The following SFXN5 variants were observed in gnomAD, a reference collection of about 807,000 sequenced individuals.
SFXN5 encodes sideroflexin-5.
A neutral mutation model predicts 50.2 loss-of-function variants in SFXN5; 43 were observed. The ratio of observed to expected loss-of-function variants is 0.86; its 90% CI spans 0.67 to 1.11. The LOEUF is 1.11. SFXN5 is among the 50% of genes least tolerant of loss of function. SFXN5 has a pLI of 0.00. For synonymous variants in SFXN5, 203 were observed against 185.8 expected (o/e 1.09, Z -0.75); for missense variants, 463 against 454.1 (o/e 1.02, Z -0.18).
chr2:73,071,539 G>T, intron 1 of SFXN5, 65 bp downstream of exon 1: 1 of 1,479,694 alleles, frequency 6.8e-7, no homozygotes, highest in Non-Finnish European at 9.3e-7. Flanking sequence ...AGGGGACTTT[G>T]GAGGGGAGTT....
At chr2:73,046,037 C>G (rs867507971) in intron 2 of SFXN5, among the ~76,000 whole-genome samples, 7 of 137,314 alleles carry the variant, frequency 5.1e-5, no homozygotes, top group Admixed American at 6.9e-5. Context: ...AGAAACCGAT[C>G]CACTTATCCC....
At chr2:72,998,918 G>T in intron 9 of SFXN5, 31 bp downstream of exon 9, 1 of 1,611,854 alleles carries the variant, frequency 6.2e-7, no homozygotes, top group Non-Finnish European at 8.5e-7. Flanking sequence ...GAGCAGCAGA[G>T]CCAAGAAGGA....
rs1673717324 is a variant in SFXN5, at chr2:72,961,336, T to C, written c.828-88A>G. ...ACCATGCTGGGTCCCACTCTGTCTC[T>C]GGGCCCAGGAAGCGTGGTTCCGGGG... On this transcript the variant is annotated intron_variant, in intron 12 of 13. Transcript: ENST00000272433. The surrounding 1 kb of genome is among the most constrained non-coding windows in gnomAD (Gnocchi z 4.4). 4.6e-6 allele frequency: 4 copies of C among 865,630 alleles called. No individual in the cohort carries two copies. The highest frequency in any genetic ancestry group is 3.1e-5 in the Admixed American group (1 of 32,308). The allele number at this position is 865,630 out of a possible 1,614,324, so 53.6% of individuals were successfully genotyped here.
chr2:73,024,229 G>T (rs1467121808), intron 3 of SFXN5, among the ~76,000 whole-genome samples: 1 of 151,954 alleles, frequency 6.6e-6, no homozygotes, highest in Non-Finnish European at 1.5e-5. Context: ...TCACCATGTT[G>T]GTAAGGCTGG....
At chr2:72,954,133 G>A (rs982041786) in intron 13 of SFXN5, among the ~76,000 whole-genome samples, 18 of 152,156 alleles carry the variant, frequency 1.2e-4, no homozygotes, top group Non-Finnish European at 1.8e-4. Context: ...GCTCATAACG[G>A]GCTGAGGACA....
intron 9 of SFXN5, chr2:72,998,449 C>T (rs992451569): frequency 2.9e-4 from 46 of 158,692 alleles, no homozygotes; most frequent in Admixed American, 2.4e-3. Context: ...GTGAGCCTAA[C>T]GCCCCTGGCT....
chr2:73,041,238 C>A (rs752738595), intron 2 of SFXN5, among the ~76,000 whole-genome samples: 1 of 152,172 alleles, frequency 6.6e-6, no homozygotes, highest in Non-Finnish European at 1.5e-5. Flanking sequence ...ACACACATAT[C>A]AAATAATATT....
chr2:73,027,751 T>C (rs1461992393), intron 3 of SFXN5, among the ~76,000 whole-genome samples: 1 of 152,002 alleles, frequency 6.6e-6, no homozygotes, highest in Admixed American at 6.6e-5. Context: ...CCTCCACCTC[T>C]CCGGCTCAAG....
chr2:73,047,487 CT>C (rs1680659683), intron 2 of SFXN5, among the ~76,000 whole-genome samples: 1 of 150,404 alleles, frequency 6.6e-6, no homozygotes, highest in Non-Finnish European at 1.5e-5. Flanking sequence ...AAATCTCACC[CT>C]AAATTATAAT....
intron 10 of SFXN5, among the ~76,000 whole-genome samples, chr2:72,979,496 T>C (rs1276821855): frequency 1.3e-5 from 2 of 152,120 alleles, no homozygotes; most frequent in Non-Finnish European, 2.9e-5. Context: ...TAGCCAGGCA[T>C]GGTGGCATGC....
chr2:72,958,137 T>TC (rs888735205), intron 13 of SFXN5, among the ~76,000 whole-genome samples: 2 of 152,040 alleles, frequency 1.3e-5, no homozygotes, highest in Admixed American at 6.5e-5. Context: ...GGTAGGCATC[T>TC]CCCCATTATA....
intron 6 of SFXN5, among the ~76,000 whole-genome samples, chr2:73,014,979 G>A (rs1401009017): frequency 6.6e-6 from 1 of 151,968 alleles, no homozygotes; most frequent in Non-Finnish European, 1.5e-5. Flanking sequence ...TAGTCTTCCA[G>A]GAAAATGTTA....
intron 10 of SFXN5, among the ~76,000 whole-genome samples, chr2:72,981,963 CTT>C (rs896687297): frequency 1.1e-5 from 1 of 92,390 alleles, no homozygotes; most frequent in Non-Finnish European, 2.1e-5. Flanking sequence ...ATCACTGGAA[CTT>C]TGTGTGTGTG....
chr2:72,955,415 C>T (rs750896549), intron 13 of SFXN5, among the ~76,000 whole-genome samples: 6 of 152,176 alleles, frequency 3.9e-5, no homozygotes, highest in Non-Finnish European at 8.8e-5. Context: ...GTATGTGCAG[C>T]CCCGTTCCCC....
intron 10 of SFXN5, among the ~76,000 whole-genome samples, chr2:72,974,044 T>C (rs998046063): frequency 6.6e-6 from 1 of 152,218 alleles, no homozygotes; most frequent in Non-Finnish European, 1.5e-5. Flanking sequence ...TCTGGGGACT[T>C]GAGCCATTGC....
At chr2:72,970,634 A>AC (rs1363430939) in intron 11 of SFXN5, among the ~76,000 whole-genome samples, 1 of 151,256 alleles carries the variant, frequency 6.6e-6, no homozygotes, top group African/African-American at 2.4e-5. Flanking sequence ...GCCACTAACC[A>AC]CCATCAGGAC....
intron 13 of SFXN5, among the ~76,000 whole-genome samples, chr2:72,949,423 G>A (rs550087823): frequency 6.6e-6 from 1 of 152,166 alleles, no homozygotes; most frequent in Non-Finnish European, 1.5e-5. Context: ...TCTTGCCTCA[G>A]CCTCCTGAGT....
At chr2:73,037,061 T>A (rs139123604) in intron 3 of SFXN5, among the ~76,000 whole-genome samples, 1 of 152,220 alleles carries the variant, frequency 6.6e-6, no homozygotes. Flanking sequence ...TTGCCCTCTA[T>A]TCCCATCACC....
At chr2:73,066,434 C>T (rs1232778299) in intron 1 of SFXN5, among the ~76,000 whole-genome samples, 5 of 151,672 alleles carry the variant, frequency 3.3e-5, no homozygotes, top group East Asian at 1.9e-4. Flanking sequence ...GGCATGCGCC[C>T]GTAATCCCAG....
Sources: allele counts gnomAD v4.1 joint callset (sites outside exome capture counted in the v4.1 genomes callset), GRCh38; gene constraint gnomAD v4.1.1; non-coding constraint Gnocchi (gnomAD v3.1); transcripts MANE v1.5; gene names NCBI Gene and HGNC (gene_info 2026-07-23, HGNC 2026-07-21).